The following MUC22 variants were observed in gnomAD, a reference collection of about 807,000 sequenced individuals.
MUC22 encodes mucin 22, also known as mucin-22.
Under a neutral mutation model 40.3 loss-of-function variants are expected in MUC22, and 24 were observed. The ratio of observed to expected loss-of-function variants is 0.60; its 90% CI spans 0.43 to 0.84. The LOEUF is 0.84. Ranked by LOEUF, MUC22 falls within the 40% of genes least tolerant of loss-of-function variation. The pLI, the probability that MUC22 is intolerant of heterozygous loss-of-function variation, is 0.00. For missense variants in MUC22, 1,926 were observed against 2,130.7 expected, an observed-to-expected ratio of 0.90 and a Z score of 1.89; for synonymous variants, 765 against 844.5, an observed-to-expected ratio of 0.91 and a Z score of 1.63.
exon 2 of MUC22, chr6:31,026,106 C>T: frequency 1.3e-6 from 2 of 1,531,698 alleles, no homozygotes; most frequent in Non-Finnish European, 1.7e-6. Flanking sequence ...GTTCTGAGAC[C>T]ACCACTACCT....
At chr6:31,035,254 C>T (rs1175495838) in exon 4 of MUC22, 5 of 346,196 alleles carry the variant, frequency 1.4e-5, no homozygotes, top group East Asian at 4.7e-5. Context: ...TGGGGAGTCA[C>T]GACAACCACC....
chr6:31,026,025 C>G, exon 2 of MUC22: 1 of 1,530,302 alleles, frequency 6.5e-7, no homozygotes, highest in Middle Eastern at 1.7e-4. Flanking sequence ...CCACCACCAC[C>G]TCCACTGCAA....
intron 3 of MUC22, among the ~76,000 whole-genome samples, chr6:31,033,613 A>G (rs34247365): frequency 0.027 from 4,038 of 152,324 alleles, 165 homozygotes; most frequent in South Asian, 0.15. Context: ...AGCAGAGTAT[A>G]AATCAGTGGT....
At chr6:31,008,399 G>A (rs1053864137), upstream of MUC22, among the ~76,000 whole-genome samples, 6 of 152,134 alleles carry the variant, frequency 3.9e-5, no homozygotes, top group African/African-American at 1.4e-4. Context: ...ATTGCCAGTA[G>A]GAGGCATAAA....
At position 31,032,604 on chromosome 6, in the gene MUC22, T is replaced by C. The variant is rs1766151455; in HGVS notation, c.5055+23T>C. 6 of 1,514,102 alleles carry C rather than the reference T, an allele frequency of 4.0e-6. No homozygotes were observed. The highest frequency in any genetic ancestry group is 1.4e-5 in the African/African-American group (1 of 72,738). The allele number at this position is 1,514,102 out of a possible 1,614,324, so 93.8% of individuals were successfully genotyped here. ...CTGGTGAGTACCCAGGGTGGGTTCATAGGGGAGCCTGGCAAGAAGGCAGGG... is the reference window on the plus strand; with the variant it reads ...CTGGTGAGTACCCAGGGTGGGTTCACAGGGGAGCCTGGCAAGAAGGCAGGG... On this transcript the variant is annotated intron_variant, in intron 3 of 3. Transcript: ENST00000561890. This position sits in a 1 kb window ranked among gnomAD's most constrained non-coding sequence, Gnocchi z 4.1.
At chr6:31,013,824 C>T (rs545074197) in intron 1 of MUC22, among the ~76,000 whole-genome samples, 4 of 152,256 alleles carry the variant, frequency 2.6e-5, no homozygotes, top group South Asian at 2.1e-4. Flanking sequence ...CCATTGCACC[C>T]GGCCATAAAT....
intron 1 of MUC22, among the ~76,000 whole-genome samples, chr6:31,015,145 A>G (rs1764103366): frequency 6.6e-6 from 1 of 152,176 alleles, no homozygotes; most frequent in Non-Finnish European, 1.5e-5. Context: ...ACTAAGGCAG[A>G]TAAATATTGT....
intron 1 of MUC22, among the ~76,000 whole-genome samples, chr6:31,022,011 G>A (rs1041613586): frequency 6.6e-6 from 1 of 152,060 alleles, no homozygotes; most frequent in African/African-American, 2.4e-5. Context: ...TGAGAGGAAG[G>A]AACAATTCCA....
chr6:31,018,295 C>G (rs1764405890), intron 1 of MUC22, among the ~76,000 whole-genome samples: 1 of 152,232 alleles, frequency 6.6e-6, no homozygotes, highest in African/African-American at 2.4e-5. Flanking sequence ...AGCTGAGAGA[C>G]AGTTCCTAGC....
exon 2 of MUC22, chr6:31,027,281 C>A (rs1765485706): frequency 1.5e-6 from 2 of 1,358,432 alleles, no homozygotes; most frequent in Non-Finnish European, 1.9e-6. Context: ...GAGACCAGCA[C>A]AGATTCTACC....
At chr6:31,026,811 C>T (rs552891903) in exon 2 of MUC22, 38 of 1,477,760 alleles carry the variant, frequency 2.6e-5, no homozygotes, top group Middle Eastern at 3.5e-4. Context: ...CTACAGTCTC[C>T]ACCACAGGCT....
chr6:31,021,137 A>T (rs1581627460), intron 1 of MUC22, among the ~76,000 whole-genome samples: 1 of 152,246 alleles, frequency 6.6e-6, no homozygotes, highest in East Asian at 1.9e-4. Context: ...AGGCAGCTCC[A>T]CCTGCGGCCC....
chr6:31,032,599 G>T lies in MUC22; in HGVS notation c.5055+18G>T. 1 of 1,517,720 alleles carries T rather than the reference G, an allele frequency of 6.6e-7. No homozygotes were observed. The highest frequency in any genetic ancestry group is 8.8e-7 in the Non-Finnish European group (1 of 1,136,510). 94.0% of individuals were successfully genotyped at this position (1,517,720 alleles called of 1,614,324 possible). On this transcript the variant is annotated intron_variant, in intron 3 of 3. Coordinates refer to ENST00000561890, the Ensembl canonical transcript of MUC22. The surrounding 1 kb of genome is among the most constrained non-coding windows in gnomAD (Gnocchi z 4.1). ...TTTGTCTGGTGAGTACCCAGGGTGG[G>T]TTCATAGGGGAGCCTGGCAAGAAGG...
chr6:31,024,723 C>T (rs916891170), intron 1 of MUC22, among the ~76,000 whole-genome samples: 1 of 152,168 alleles, frequency 6.6e-6, no homozygotes, highest in East Asian at 1.9e-4. Flanking sequence ...TCTACCGCCT[C>T]GTTTTCTCCT....
exon 4 of MUC22, chr6:31,034,825 C>T: frequency 1.3e-6 from 2 of 1,535,570 alleles, no homozygotes; most frequent in East Asian, 2.4e-5. Flanking sequence ...TGAAATGGGA[C>T]ATGGAGGAAC....
chr6:31,029,405 C>A, exon 2 of MUC22: 1 of 1,534,634 alleles, frequency 6.5e-7, no homozygotes, highest in Non-Finnish European at 8.7e-7. Context: ...GGCTCTGAGA[C>A]CACCACAGCC....
intron 1 of MUC22, among the ~76,000 whole-genome samples, chr6:31,013,957 A>G (rs949136379): frequency 5.3e-5 from 8 of 152,144 alleles, no homozygotes; most frequent in African/African-American, 1.9e-4. Flanking sequence ...CTCCCCCTAC[A>G]CACTTACTGT....
intron 1 of MUC22, among the ~76,000 whole-genome samples, chr6:31,025,285 G>A (rs9262545): frequency 0.14 from 22,029 of 152,094 alleles, 1,751 homozygotes; most frequent in African/African-American, 0.19. Flanking sequence ...TATATTTTAT[G>A]TTGTAGCTCT....
At chr6:31,021,363 A>G (rs1325828341) in intron 1 of MUC22, among the ~76,000 whole-genome samples, 10 of 151,062 alleles carry the variant, frequency 6.6e-5, no homozygotes, top group Admixed American at 5.3e-4. Flanking sequence ...AAATACACCA[A>G]TCGGCACTCT....
Sources: allele counts gnomAD v4.1 joint callset (sites outside exome capture counted in the v4.1 genomes callset), GRCh38; gene constraint gnomAD v4.1.1; non-coding constraint Gnocchi (gnomAD v3.1); transcripts MANE v1.5; gene names NCBI Gene and HGNC (gene_info 2026-07-23, HGNC 2026-07-21).